FBXL20: variants seen among roughly 807,000 people sequenced by gnomAD.
The protein encoded by FBXL20 is F-box and leucine rich repeat protein 20.
FBXL20 carries 11 observed loss-of-function variants against 64.0 expected under a neutral mutation model. That is an observed-to-expected ratio of 0.17 (90% confidence interval 0.11 to 0.28). FBXL20 has a LOEUF of 0.28. FBXL20 is among the 10% of genes least tolerant of loss of function. The probability of loss-of-function intolerance (pLI) is 1.00; values close to 1 mark genes in which losing one functional copy is unlikely to be tolerated. For missense variants in FBXL20, 303 were observed against 526.2 expected (o/e 0.58, Z 4.15); for synonymous variants, 184 against 189.0 (o/e 0.97, Z 0.22).
chr17:39,281,543 T>C, intron 8 of FBXL20, 80 bp from the exon 9 acceptor site: 3 of 1,217,516 alleles, frequency 2.5e-6, no homozygotes, highest in Non-Finnish European at 3.5e-6. Flanking sequence ...TACACATTCA[T>C]TCATACATTC....
intron 1 of FBXL20, among the ~76,000 whole-genome samples, chr17:39,389,534 G>C (rs2048115756): frequency 6.6e-6 from 1 of 152,076 alleles, no homozygotes; most frequent in Admixed American, 6.6e-5. Context: ...AAAAATAAAT[G>C]CAGGCCAAGT....
chr17:39,319,932 T>C (rs190396958), intron 2 of FBXL20, among the ~76,000 whole-genome samples: 1 of 152,232 alleles, frequency 6.6e-6, no homozygotes, highest in Non-Finnish European at 1.5e-5. Context: ...CTAAGTCTAA[T>C]ACTGTGTATT....
intron 2 of FBXL20, among the ~76,000 whole-genome samples, chr17:39,337,017 C>A (rs1054318062): frequency 7.3e-5 from 11 of 150,832 alleles, no homozygotes; most frequent in Non-Finnish European, 8.8e-5. Flanking sequence ...CTCTTTCCAC[C>A]GTCTCCCTCT....
intron 2 of FBXL20, among the ~76,000 whole-genome samples, chr17:39,316,918 GGCGGAGGTTGCAGTGA>G (rs1258477330): frequency 6.6e-6 from 1 of 152,220 alleles, no homozygotes; most frequent in Non-Finnish European, 1.5e-5. Flanking sequence ...GAACCTGGGA[GGCGGAGGTTGCAGTGA>G]GCGGAGATTG....
intron 1 of FBXL20, among the ~76,000 whole-genome samples, chr17:39,343,498 CA>C (rs2144572628): frequency 6.6e-6 from 1 of 152,288 alleles, no homozygotes; most frequent in East Asian, 1.9e-4. Context: ...GATGTTTTCA[CA>C]TATTAATGGT....
At chr17:39,364,119 G>A (rs932790999) in intron 1 of FBXL20, among the ~76,000 whole-genome samples, 3 of 151,832 alleles carry the variant, frequency 2.0e-5, no homozygotes, top group African/African-American at 7.3e-5. Flanking sequence ...CGAACTCCTG[G>A]CCTCAAGTGA....
chr17:39,321,075 G>C (rs1475035479), intron 2 of FBXL20, among the ~76,000 whole-genome samples: 9 of 151,864 alleles, frequency 5.9e-5, no homozygotes, highest in South Asian at 4.1e-4. Flanking sequence ...AAACAATTCT[G>C]CTCCAAAATA....
chr17:39,322,624 C>G (rs1024287517), intron 2 of FBXL20, among the ~76,000 whole-genome samples: 1 of 152,118 alleles, frequency 6.6e-6, no homozygotes, highest in Non-Finnish European at 1.5e-5. Flanking sequence ...CTCAAGCACT[C>G]TGTGTTAACT....
intron 1 of FBXL20, among the ~76,000 whole-genome samples, chr17:39,401,095 G>A (rs539570623): frequency 2.0e-5 from 3 of 152,220 alleles, no homozygotes; most frequent in Non-Finnish European, 4.4e-5. Context: ...AGCGATCCTG[G>A]AGGAGGGTGG....
chr17:39,349,709 G>A (rs899795214), intron 1 of FBXL20, among the ~76,000 whole-genome samples: 3 of 152,160 alleles, frequency 2.0e-5, no homozygotes, highest in Non-Finnish European at 4.4e-5. Flanking sequence ...GGCTGAGGCA[G>A]GCAGATCACG....
rs560537376 is a variant in FBXL20, at chr17:39,254,882, C to T, written c.*6578G>A. On this transcript the variant is annotated 3_prime_UTR_variant, in exon 15 of 15. Transcript: ENST00000264658. ...TTCTTTGTAAAACAGCAATAAACCACCCTGGCTGAGGAAGCACTGAGACTC... is the reference window on the plus strand; with the variant it reads ...TTCTTTGTAAAACAGCAATAAACCATCCTGGCTGAGGAAGCACTGAGACTC... The T allele has an allele frequency of 3.3e-5, 5 of 152,850 alleles. No individual in the cohort carries two copies. The highest frequency in any genetic ancestry group is 2.6e-4 in the Admixed American group (4 of 15,284). The allele number at this position is 152,850 out of a possible 1,614,324, so 9.5% of individuals were successfully genotyped here.
At chr17:39,333,799 C>T (rs1404912610) in intron 2 of FBXL20, among the ~76,000 whole-genome samples, 501 of 133,564 alleles carry the variant, frequency 3.8e-3, no homozygotes, top group Admixed American at 3.8e-3. Flanking sequence ...CGGCCGCGAC[C>T]CCGTCTGGGA....
chr17:39,278,643 G>T (rs1352023825), intron 9 of FBXL20, among the ~76,000 whole-genome samples: 1 of 151,034 alleles, frequency 6.6e-6, no homozygotes, highest in Non-Finnish European at 1.5e-5. Context: ...CACCTCCTGG[G>T]TTCAAGCGAT....
intron 7 of FBXL20, among the ~76,000 whole-genome samples, chr17:39,283,822 G>A (rs934879961): frequency 6.6e-6 from 1 of 152,084 alleles, no homozygotes; most frequent in Non-Finnish European, 1.5e-5. Flanking sequence ...TATTATGGAT[G>A]AATTCCAAGT....
chr17:39,279,882 ACT>A (rs2046932756), intron 9 of FBXL20, among the ~76,000 whole-genome samples: 1 of 151,624 alleles, frequency 6.6e-6, no homozygotes, highest in Non-Finnish European at 1.5e-5. Context: ...ACACAGCAAG[ACT>A]CTGTCCCAAA....
chr17:39,319,861 G>A (rs1438358312), intron 2 of FBXL20, among the ~76,000 whole-genome samples: 5 of 151,740 alleles, frequency 3.3e-5, no homozygotes, highest in Admixed American at 1.3e-4. Context: ...ATCCTCCCAC[G>A]CCAACTTCCC....
intron 6 of FBXL20, 57 bp downstream of exon 6, chr17:39,297,070 T>C: frequency 8.1e-7 from 1 of 1,233,222 alleles, no homozygotes; most frequent in Non-Finnish European, 1.2e-6. Context: ...AATTTAAGGT[T>C]GTATCAGCCA....
At chr17:39,391,032 G>A (rs1287314817) in intron 1 of FBXL20, among the ~76,000 whole-genome samples, 36 of 152,088 alleles carry the variant, frequency 2.4e-4, no homozygotes, top group Admixed American at 2.3e-3. Flanking sequence ...GACAGAGCAA[G>A]GCTCTATCTC....
chr17:39,329,113 G>GA (rs988094311), intron 2 of FBXL20, among the ~76,000 whole-genome samples: 1 of 151,600 alleles, frequency 6.6e-6, no homozygotes, highest in African/African-American at 2.4e-5. Context: ...TAAACAAAGG[G>GA]AAAAAAAAGT....
Sources: allele counts gnomAD v4.1 joint callset (sites outside exome capture counted in the v4.1 genomes callset), GRCh38; gene constraint gnomAD v4.1.1; transcripts MANE v1.5; gene names NCBI Gene and HGNC (gene_info 2026-07-23, HGNC 2026-07-21).